FLNB: variants seen among roughly 807,000 people sequenced by gnomAD.
FLNB encodes the protein filamin-B.
FLNB carries 111 observed loss-of-function variants against 250.6 expected under a neutral mutation model. That is an observed-to-expected ratio of 0.44 (90% CI 0.38 to 0.52). The LOEUF is 0.52. Among genes scored for constraint, FLNB ranks in the 20% least tolerant of loss-of-function variants. The pLI is 0.00. For synonymous variants in FLNB, 1,302 were observed against 1,372.1 expected, an observed-to-expected ratio of 0.95 and a Z score of 1.13; for missense variants, 2,869 against 3,447.8, an observed-to-expected ratio of 0.83 and a Z score of 4.20.
intron 34 of FLNB, among the ~76,000 whole-genome samples, chr3:58,147,946 C>T (rs2097338298): frequency 6.6e-6 from 1 of 152,182 alleles, no homozygotes; most frequent in Non-Finnish European, 1.5e-5. Flanking sequence ...GCACCTGGCC[C>T]AAAGATTCCT....
At chr3:58,025,133 C>CG in intron 1 of FLNB, among the ~76,000 whole-genome samples, 1 of 116,550 alleles carries the variant, frequency 8.6e-6, no homozygotes, top group African/African-American at 3.4e-5. Context: ...TTCTTTCTTT[C>CG]TTTTTTTTTT....
intron 24 of FLNB, among the ~76,000 whole-genome samples, chr3:58,127,291 G>A (rs2362906): frequency 0.41 from 62,274 of 150,244 alleles, 16,045 homozygotes; most frequent in East Asian, 0.91. Context: ...GCGCCACTGC[G>A]CTCCAGCTTG....
At position 58,110,898 on chromosome 3, in the gene FLNB, A is replaced by G. The variant is rs562460905; in HGVS notation, c.2484+728A>G. On this transcript the variant is annotated intron_variant, in intron 16 of 45. Transcript: ENST00000295956. ...CTTTTTGGTGTTTTACTGACAGGGAAGTTGTCTTGAGAACACTGCTCAATC... is the reference window on the plus strand; with the variant it reads ...CTTTTTGGTGTTTTACTGACAGGGAGGTTGTCTTGAGAACACTGCTCAATC... 2.6e-5 allele frequency among the ~76,000 whole-genome samples: 4 copies of G among 152,294 alleles called. No individual in the cohort carries two copies. The South Asian group carries it at 6.2e-4, about 24-fold the overall frequency.
chr3:58,171,438 A>G lies in FLNB; in HGVS notation c.*676A>G, dbSNP rs2097382273. ...TCGCTCTGGTGATTATTTCTTGCAG[A>G]ATCACCACACGAGACCATCCCGGCA... is the stretch of plus-strand genomic sequence containing the variant. On this transcript the variant is annotated 3_prime_UTR_variant, in exon 46 of 46. Transcript: ENST00000295956. The surrounding 1 kb of genome is among the most constrained non-coding windows in gnomAD (Gnocchi z 5.5). 2 of 152,548 alleles carry G rather than the reference A, an allele frequency of 1.3e-5. No homozygotes were observed. The highest frequency in any genetic ancestry group is 4.1e-4 in the South Asian group (2 of 4,820). 9.4% of individuals were successfully genotyped at this position (152,548 alleles called of 1,614,324 possible).
At chr3:58,128,888 T>C (rs1260579988) in intron 24 of FLNB, among the ~76,000 whole-genome samples, 1 of 152,202 alleles carries the variant, frequency 6.6e-6, no homozygotes, top group Non-Finnish European at 1.5e-5. Flanking sequence ...TGCCTTTTTA[T>C]GTTTCAGGCT....
rs1397018817 is a variant in FLNB at position 58,108,509 on chromosome 3, C to T, written c.1993C>T (p.Leu665=). 9 of 1,614,066 alleles carry T rather than the reference C, an allele frequency of 5.6e-6. No homozygotes were observed. The highest frequency in any genetic ancestry group is 1.1e-5 in the South Asian group (1 of 91,082). ...GAAATCTGGATGCATTGTCAACAAC[C>T]TGGCCGAGTTCACTGTGGATCCTAA... ...LEKSGCIVNN[L]AEFTVDPKDA... Residue 665 remains leucine (L), a synonymous_variant, in exon 13 of 46, where the codon CTG becomes TTG. Coordinates refer to ENST00000295956, the MANE Select transcript of FLNB (RefSeq NM_001457.4).
At chr3:58,137,556 A>G (rs1029204949) in intron 28 of FLNB, among the ~76,000 whole-genome samples, 1 of 152,056 alleles carries the variant, frequency 6.6e-6, no homozygotes, top group Non-Finnish European at 1.5e-5. Context: ...CACCCTCCCT[A>G]TTACTCCTAC....
chr3:58,143,556 C>A lies in FLNB; in HGVS notation c.5368C>A (p.Pro1790Thr). ...CGGCACGGTCACTGTTAGATATGCC[C>A]CCACTGAGGTCGGGCTCCATGAGAT... ...KDGTVTVRYA[P>T]TEVGLHEMHI... Residue 1790 changes from proline (P) to threonine (T), a missense_variant, in exon 32 of 46, where the codon CCC (proline) becomes ACC (threonine). Around this residue, in one of 5 missense-constraint regions of FLNB, gnomAD observed 1,084 missense variants for 1,315.5 expected, o/e 0.82. Transcript: ENST00000295956. The A allele has an allele frequency of 6.2e-7, 1 of 1,614,134 alleles. No individual in the cohort carries two copies. Among genetic ancestry groups the A allele is most frequent in the Non-Finnish European group, 8.5e-7 (1 of 1,180,026 alleles).
In FLNB at chr3:58,010,074, G is replaced by A. The variant is rs150876923; in HGVS notation, c.292+1218G>A. On this transcript the variant is annotated intron_variant, in intron 1 of 45. Coordinates refer to ENST00000295956, the MANE Select transcript of FLNB (RefSeq NM_001457.4). ...TGTACACGGAATGTATGCAGAGAAT[G>A]TGTATCCACCTACACGTGTGTATGG... is the stretch of plus-strand genomic sequence containing the variant. Among the ~76,000 whole-genome samples the A allele has an allele frequency of 5.8e-3, 849 of 147,628 alleles. 7 individuals are homozygous for A. Among genetic ancestry groups the A allele is most frequent in the Admixed American group, 9.4e-3 (138 of 14,738 alleles).
chr3:58,137,545 C>T (rs1322835444), intron 28 of FLNB, among the ~76,000 whole-genome samples: 2 of 152,216 alleles, frequency 1.3e-5, no homozygotes, highest in Non-Finnish European at 2.9e-5. Context: ...ACTGTTCTTG[C>T]CACCCTCCCT....
Position 58,109,167 on chromosome 3 carries a change from G to C in FLNB, c.2056-12G>C, listed in dbSNP as rs772363962. 11 of 1,614,164 alleles carry C rather than the reference G, an allele frequency of 6.8e-6. No individual in the cohort carries two copies. The highest frequency in any genetic ancestry group is 9.3e-6 in the Non-Finnish European group (11 of 1,180,014). On this transcript the variant is annotated splice_polypyrimidine_tract_variant and intron_variant, in intron 13 of 45. Coordinates refer to ENST00000295956, the MANE Select transcript of FLNB (RefSeq NM_001457.4). ...AGGGCCACCTCTGGTCCTAGCTCTG[G>C]CTTTTTTGCAGGATGGGGAAGGCCA... is the stretch of plus-strand genomic sequence containing the variant.
intron 8 of FLNB, among the ~76,000 whole-genome samples, chr3:58,100,990 C>T (rs1054499057): frequency 7.9e-5 from 12 of 152,146 alleles, no homozygotes; most frequent in Non-Finnish European, 1.5e-4. Context: ...CCGCCTCAGC[C>T]TCCCAAAGTG....
At chr3:58,044,794 T>C (rs562482574) in intron 1 of FLNB, among the ~76,000 whole-genome samples, 1 of 152,234 alleles carries the variant, frequency 6.6e-6, no homozygotes, top group Non-Finnish European at 1.5e-5. Context: ...TCTGCTCCAG[T>C]GTGGGCCCTT....
In FLNB at chr3:58,008,763, C is replaced by A. The variant is rs751371914; in HGVS notation, c.199C>A (p.His67Asn). 1 of 1,614,042 alleles carries A rather than the reference C, an allele frequency of 6.2e-7. No homozygotes were observed. Among genetic ancestry groups the A allele is most frequent in the Non-Finnish European group, 8.5e-7 (1 of 1,179,928 alleles). The change falls in exon 1 of 46, where the codon CAT becomes AAT. Residue 67 changes from histidine to asparagine, a missense_variant. By Grantham distance (68) the His-to-Asn change is moderately conservative. Transcript: ENST00000295956. ...CCAGAAGCGCATGTACCGCAAGTACCATCAGCGGCCCACCTTTCGCCAGAT... is the reference window on the plus strand; with the variant it reads ...CCAGAAGCGCATGTACCGCAAGTACAATCAGCGGCCCACCTTTCGCCAGAT... ...LSQKRMYRKY[H>N]QRPTFRQMQL...
chr3:58,092,237 A>T (rs2097229167), intron 4 of FLNB, among the ~76,000 whole-genome samples: 1 of 152,268 alleles, frequency 6.6e-6, no homozygotes, highest in African/African-American at 2.4e-5. Flanking sequence ...AATACTGATA[A>T]CACTAAATGC....
At chr3:58,056,105 A>ATTTATTTT (rs796811846) in intron 1 of FLNB, among the ~76,000 whole-genome samples, 15 of 128,764 alleles carry the variant, frequency 1.2e-4, no homozygotes, top group African/African-American at 4.2e-4. Flanking sequence ...TTATTTATTT[A>ATTTATTTT]TTTTTTTTTT....
At chr3:58,153,310 T>A in intron 38 of FLNB, 65 bp from the exon 39 acceptor site, 1 of 1,592,052 alleles carries the variant, frequency 6.3e-7, no homozygotes, top group Non-Finnish European at 8.6e-7. Context: ...GCCCTGCATG[T>A]CCTGCCCTGT....
chr3:58,117,718 G>A (rs2097281080), intron 18 of FLNB, among the ~76,000 whole-genome samples: 1 of 150,862 alleles, frequency 6.6e-6, no homozygotes, highest in Admixed American at 6.6e-5. Context: ...ACATGAGGCA[G>A]GGGGCCAATT....
chr3:58,087,613 C>T (rs547655049), intron 4 of FLNB, among the ~76,000 whole-genome samples: 22 of 152,084 alleles, frequency 1.4e-4, no homozygotes, highest in African/African-American at 4.1e-4. Context: ...CCACCACACC[C>T]GGCTAATTTT....
Sources: gnomAD v4.1 joint callset for allele counts (sites outside exome capture counted in the v4.1 genomes callset) on GRCh38, gnomAD v4.1.1 for gene constraint, gnomAD v4.1.1 regional missense constraint, Gnocchi (gnomAD v3.1) non-coding constraint, MANE v1.5 for transcripts, NCBI Gene and HGNC (gene_info 2026-07-23, HGNC 2026-07-21) for gene names.